Variants in SRL observed in about 807,000 individuals in gnomAD.
The protein encoded by SRL is sarcalumenin.
A neutral mutation model predicts 39.5 loss-of-function variants in SRL; 23 were observed. That is an observed-to-expected ratio of 0.58 (90% CI 0.42 to 0.82). The LOEUF is 0.82. Among genes scored for constraint, SRL ranks in the 40% least tolerant of loss-of-function variants. The probability of loss-of-function intolerance (pLI) is 0.00; values close to 1 mark genes in which losing one functional copy is unlikely to be tolerated. For missense variants in SRL, 592 were observed against 607.8 expected (o/e 0.97, Z 0.27); for synonymous variants, 272 against 237.4 (o/e 1.15, Z -1.34).
intron 1 of SRL, among the ~76,000 whole-genome samples, chr16:4,219,913 G>A (rs781657285): frequency 6.6e-6 from 1 of 152,052 alleles, no homozygotes; most frequent in Non-Finnish European, 1.5e-5. Context: ...AGGGCTGTGT[G>A]AGATCAGCTC....
rs754488638 is a variant in SRL, at chr16:4,192,912, G to C, written c.663C>G (p.Ile221Met). Residue 221 changes from isoleucine (I) to methionine (M), a missense_variant, in exon 6 of 6, where the codon ATC becomes ATG. By Grantham distance (10) the Ile-to-Met change is conservative (BLOSUM62 1). Coordinates refer to ENST00000399609, the MANE Select transcript of SRL (RefSeq NM_001098814.2). This position sits in a 1 kb window ranked among gnomAD's most constrained non-coding sequence, Gnocchi z 4.0. ...GCTTTGTTGGGTCAAAGACGACAAA[G>C]ATGAGGTCAGCTCTGTCGATGAACC... ...CQWFIDRADL[I>M]FVVFDPTKLD... 1 of 1,614,116 alleles carries C rather than the reference G, an allele frequency of 6.2e-7. No homozygotes were observed. Among genetic ancestry groups the C allele is most frequent in the South Asian group, 1.1e-5 (1 of 91,086 alleles).
chr16:4,193,225 G>A (rs1226734065), intron 5 of SRL, among the ~76,000 whole-genome samples: 2 of 152,152 alleles, frequency 1.3e-5, no homozygotes, highest in Admixed American at 6.6e-5. Flanking sequence ...CTGGAGTGCA[G>A]TGGCATGATT....
At chr16:4,207,515 A>G (rs1209083646) in intron 1 of SRL, 1 of 456,434 alleles carries the variant, frequency 2.2e-6, no homozygotes, top group Non-Finnish European at 4.4e-6. Context: ...GGCCGACCCC[A>G]TCACCCTCTG....
chr16:4,207,010 C>T (rs1423705928), intron 1 of SRL: 1 of 454,202 alleles, frequency 2.2e-6, no homozygotes, highest in Non-Finnish European at 4.4e-6. Context: ...TCCTCGGCTT[C>T]CTGGGGATCC....
At chr16:4,217,126 C>T (rs892543801) in intron 1 of SRL, among the ~76,000 whole-genome samples, 1 of 152,212 alleles carries the variant, frequency 6.6e-6, no homozygotes. Flanking sequence ...GACACCTTCC[C>T]TAGCCTGAGC....
intron 1 of SRL, among the ~76,000 whole-genome samples, chr16:4,215,707 C>T (rs995488608): frequency 3.3e-5 from 5 of 152,126 alleles, no homozygotes; most frequent in African/African-American, 9.7e-5. Flanking sequence ...TTAGGCTGGA[C>T]GCAGTGGCTC....
Position 4,206,296 on chromosome 16 carries a change from C to T in SRL, c.62-1662G>A, listed in dbSNP as rs2052317501. The stretch of plus-strand genomic sequence containing the variant: ...CCTGGTTCTGCAATGCTTCCTACAG[C>T]CTAGTCTTCAAGGGGAGACCCCAGT... On this transcript the variant is annotated intron_variant, in intron 1 of 5. Transcript: ENST00000399609. Among the ~76,000 whole-genome samples the T allele has an allele frequency of 2.0e-5, 3 of 152,188 alleles. No individual in the cohort carries two copies. The South Asian group carries it at 6.2e-4, about 31-fold the overall frequency.
At chr16:4,208,719 A>G (rs546660830) in intron 1 of SRL, among the ~76,000 whole-genome samples, 1 of 152,252 alleles carries the variant, frequency 6.6e-6, no homozygotes, top group East Asian at 1.9e-4. Flanking sequence ...TAAGTCACAC[A>G]TCTAACCCTG....
chr16:4,192,061 A>C lies in SRL; in HGVS notation c.*92T>G. On this transcript the variant is annotated 3_prime_UTR_variant, in exon 6 of 6. Transcript: ENST00000399609. This position sits in a 1 kb window ranked among gnomAD's most constrained non-coding sequence, Gnocchi z 4.0. ...TCTCCACTGTGTAATAATTCCTGCC[A>C]GTGTGGCTCAAAGGGTTAATAAACC... 1 of 1,344,018 alleles carries C rather than the reference A, an allele frequency of 7.4e-7. No individual in the cohort carries two copies. Among genetic ancestry groups the C allele is most frequent in the Non-Finnish European group, 1.0e-6 (1 of 979,040 alleles). The allele number at this position is 1,344,018 out of a possible 1,614,324, so 83.3% of individuals were successfully genotyped here.
In SRL at chr16:4,204,555, G is replaced by T. The variant is rs2052291631; in HGVS notation, c.141C>A (p.Asp47Glu). 1 of 1,609,256 alleles carries T rather than the reference G, an allele frequency of 6.2e-7. No individual in the cohort carries two copies. The highest frequency in any genetic ancestry group is 8.5e-7 in the Non-Finnish European group (1 of 1,177,800). ...TACCAGAGTAGTCATCGGATGGCTT[G>T]TCCTCATTCAGCATGAGGGTCTTCT... ...HIEKTLMLNE[D>E]KPSDDYSAVL... The change falls in exon 2 of 6, where the codon GAC (aspartate) becomes GAA (glutamate). Residue 47 changes from aspartate (D) to glutamate (E), a missense_variant. By Grantham distance (45) the Asp-to-Glu change is conservative. Transcript: ENST00000399609.
intron 1 of SRL, among the ~76,000 whole-genome samples, chr16:4,234,759 C>T (rs2052697675): frequency 6.6e-6 from 1 of 152,220 alleles, no homozygotes; most frequent in Non-Finnish European, 1.5e-5. Context: ...CTCGCCATGG[C>T]TCCAATTCAT....
intron 1 of SRL, among the ~76,000 whole-genome samples, chr16:4,236,933 C>G (rs908648227): frequency 6.7e-6 from 1 of 150,062 alleles, no homozygotes; most frequent in East Asian, 2.0e-4. Context: ...AGCCACTGCA[C>G]CCAGCCGTGA....
rs1490947210 is a variant in SRL at position 4,212,025 on chromosome 16, A to T, written c.62-7391T>A. 2.0e-5 allele frequency among the ~76,000 whole-genome samples: 3 copies of T among 152,298 alleles called. No homozygotes were observed. The East Asian group carries it at 5.8e-4, about 29-fold the overall frequency. ...AAGGTGAGAGGGCCACACAGTCCCA[A>T]GGGGGATGAAAGTTCCAAATGTTGG... On this transcript the variant is annotated intron_variant, in intron 1 of 5. Transcript: ENST00000399609.
chr16:4,205,841 G>A lies in SRL; in HGVS notation c.62-1207C>T, dbSNP rs578206589. ...TAGTCCCAGCTACTCAGGAGGCTGAGGTGGGAGGATCGCTTGAGCACTTGA... is the reference window on the plus strand; with the variant it reads ...TAGTCCCAGCTACTCAGGAGGCTGAAGTGGGAGGATCGCTTGAGCACTTGA... On this transcript the variant is annotated intron_variant, in intron 1 of 5. Coordinates refer to ENST00000399609, the MANE Select transcript of SRL (RefSeq NM_001098814.2). 9.2e-5 allele frequency among the ~76,000 whole-genome samples: 14 copies of A among 152,188 alleles called. No individual in the cohort carries two copies. In the East Asian group the frequency reaches 2.5e-3, roughly 27 times the overall value.
At chr16:4,214,711 T>C (rs1022367051) in intron 1 of SRL, among the ~76,000 whole-genome samples, 61 of 152,052 alleles carry the variant, frequency 4.0e-4, no homozygotes, top group Admixed American at 2.0e-4. Context: ...GTGTCCTGTT[T>C]TTCCTTGACT....
intron 1 of SRL, among the ~76,000 whole-genome samples, chr16:4,227,043 G>GATGGATGA (rs2052598745): frequency 1.0e-5 from 1 of 97,362 alleles, no homozygotes; most frequent in East Asian, 2.8e-4. Flanking sequence ...CTGATGGATG[G>GATGGATGA]ATGGATGAAT....
chr16:4,237,810 C>A (rs906845687), intron 1 of SRL, among the ~76,000 whole-genome samples: 62 of 152,122 alleles, frequency 4.1e-4, no homozygotes, highest in Admixed American at 1.1e-3. Context: ...CAAGGCCCAG[C>A]TCAAATATTC....
intron 1 of SRL, 125 bp from the exon 2 acceptor site, chr16:4,204,759 T>G: frequency 1.4e-6 from 1 of 714,342 alleles, no homozygotes; most frequent in Non-Finnish European, 2.4e-6. Context: ...CAAGTTACAC[T>G]GGACTGAGCT....
intron 1 of SRL, among the ~76,000 whole-genome samples, chr16:4,209,817 G>A (rs2052370877): frequency 6.6e-6 from 1 of 152,168 alleles, no homozygotes; most frequent in South Asian, 2.1e-4. Context: ...AGCTGAATAA[G>A]TGAAAGTCCA....
Sources: gnomAD v4.1 joint callset for allele counts (sites outside exome capture counted in the v4.1 genomes callset) on GRCh38, gnomAD v4.1.1 for gene constraint, Gnocchi (gnomAD v3.1) non-coding constraint, MANE v1.5 for transcripts, NCBI Gene and HGNC (gene_info 2026-07-23, HGNC 2026-07-21) for gene names.